Variants in NLRP7 observed in about 807,000 individuals in gnomAD.
NLRP7 encodes the protein NLR family pyrin domain containing 7, also known as NACHT, LRR and PYD domains-containing protein 7.
In NLRP7, 72 loss-of-function variants were observed where a neutral mutation model predicts 85.5. The ratio of observed to expected loss-of-function variants is 0.84; its 90% CI spans 0.70 to 1.02. NLRP7 has a LOEUF of 1.02. Ranked by LOEUF, NLRP7 falls within the 50% of genes least tolerant of loss-of-function variation. The pLI, the probability that NLRP7 is intolerant of heterozygous loss-of-function variation, is 0.00. For synonymous variants in NLRP7, 550 were observed against 505.2 expected (o/e 1.09, Z -1.19); for missense variants, 1,243 against 1,219.5 (o/e 1.02, Z -0.29).
At chr19:54,931,844 TAA>T (rs10647956) in intron 8 of NLRP7, among the ~76,000 whole-genome samples, 2 of 108,320 alleles carry the variant, frequency 1.8e-5, no homozygotes. Context: ...GAGAGACTGT[TAA>T]AAAAAAAAAA....
intron 1 of NLRP7, among the ~76,000 whole-genome samples, chr19:54,944,138 G>A (rs535631534): frequency 5.9e-5 from 9 of 151,928 alleles, no homozygotes; most frequent in Admixed American, 1.3e-4. Context: ...ACCCCAGCCC[G>A]ACACCCGTAA....
upstream of NLRP7, chr19:54,947,805 A>C: frequency 2.4e-6 from 1 of 425,028 alleles, no homozygotes; most frequent in South Asian, 1.9e-5. Flanking sequence ...CAGGAAATAC[A>C]CATTTTGGGT....
At chr19:54,932,124 T>C (rs2068704793) in intron 8 of NLRP7, among the ~76,000 whole-genome samples, 1 of 152,132 alleles carries the variant, frequency 6.6e-6, no homozygotes, top group Admixed American at 6.6e-5. Context: ...AGGTGACTGT[T>C]TGTTTAACAA....
chr19:54,955,128 G>T (rs2069809746), intron 1 of NLRP7, among the ~76,000 whole-genome samples: 1 of 152,146 alleles, frequency 6.6e-6, no homozygotes, highest in Non-Finnish European at 1.5e-5. Flanking sequence ...CGAAGTTTGA[G>T]ACCAGCCTGA....
At chr19:54,962,807 G>A (rs377486988) in intron 1 of NLRP7, among the ~76,000 whole-genome samples, 1 of 150,150 alleles carries the variant, frequency 6.7e-6, no homozygotes, top group African/African-American at 2.4e-5. Flanking sequence ...CACCGTGTTA[G>A]CCAGGATGGT....
intron 3 of NLRP7, 90 bp downstream of exon 3, chr19:54,940,839 AAC>A: frequency 1.1e-6 from 1 of 899,256 alleles, no homozygotes; most frequent in East Asian, 2.4e-5. Context: ...AAAAAAAAAA[AAC>A]TACCAGAAAT....
At chr19:54,940,213 C>G (rs182597034) in exon 4 of NLRP7, 5 of 1,614,174 alleles carry the variant, frequency 3.1e-6, no homozygotes, top group Middle Eastern at 1.6e-4. Flanking sequence ...ATCTGAGCGT[C>G]GGGCTGAGGT....
Position 54,934,739 on chromosome 19 carries a change from T to G in NLRP7, c.2301-80A>C, listed in dbSNP as rs1338807351. 4.2e-6 allele frequency: 5 copies of G among 1,184,130 alleles called. No homozygotes were observed. Among genetic ancestry groups the G allele is most frequent in the Non-Finnish European group, 5.9e-6 (5 of 844,992 alleles). 73.4% of individuals were successfully genotyped at this position (1,184,130 alleles called of 1,614,324 possible). A position where few individuals can be genotyped will look rare whatever the true frequency, so the allele number is the denominator to read the frequency against. On this transcript the variant is annotated intron_variant, in intron 6 of 9. Transcript: ENST00000340844. The surrounding 1 kb of genome is among the most constrained non-coding windows in gnomAD (Gnocchi z 6.7). ...AGCTTTTTTTTTTTGAGACAGAGTT[T>G]CACTCTGTTGCCCAGTCTGGAATGC...
chr19:54,934,544 C>A lies in NLRP7; in HGVS notation c.2416G>T (p.Ala806Ser). ...GTCATGGTCTTGTACAGCAACATGG[C>A]ACCCTCATCCAGGAGCACATTGGCT... Residue 806 changes from alanine (A) to serine (S), a missense_variant, in exon 7 of 10, where the codon GCC becomes TCC. By Grantham distance (99) the Ala-to-Ser change is moderately conservative. This residue lies in a region of NLRP7 where 613 missense variants were observed against 588.4 expected (regional missense o/e 1.04). Coordinates refer to ENST00000340844, the Ensembl canonical transcript of NLRP7. The surrounding 1 kb of genome is among the most constrained non-coding windows in gnomAD (Gnocchi z 6.7). 6.2e-7 allele frequency: 1 copy of A among 1,614,182 alleles called. No homozygotes were observed. Among genetic ancestry groups the A allele is most frequent in the Non-Finnish European group, 8.5e-7 (1 of 1,180,020 alleles).
exon 10 of NLRP7, chr19:54,923,848 C>T (rs200689912): frequency 1.2e-6 from 2 of 1,614,012 alleles, no homozygotes; most frequent in African/African-American, 2.7e-5. Flanking sequence ...TCTTGATTTC[C>T]AAATTAGTTT....
chr19:54,934,833 C>G lies in NLRP7; in HGVS notation c.2301-174G>C, dbSNP rs180736973. On this transcript the variant is annotated intron_variant, in intron 6 of 9. Transcript: ENST00000340844. The surrounding 1 kb of genome is among the most constrained non-coding windows in gnomAD (Gnocchi z 6.7). Reference sequence around the variant, plus strand: ...CAAGCTATTCTCCTGCCTCAGCCTCCGAAGTAGCTGGGATTACAGGCATTC... The same window carrying G: ...CAAGCTATTCTCCTGCCTCAGCCTCGGAAGTAGCTGGGATTACAGGCATTC... 1.3e-5 allele frequency among the ~76,000 whole-genome samples: 2 copies of G among 152,044 alleles called. No homozygotes were observed. The highest frequency in any genetic ancestry group is 2.9e-5 in the Non-Finnish European group (2 of 68,006).
chr19:54,929,123 CT>C (rs2068566601), intron 9 of NLRP7, among the ~76,000 whole-genome samples: 1 of 152,246 alleles, frequency 6.6e-6, no homozygotes, highest in African/African-American at 2.4e-5. Context: ...AATCCCAGCA[CT>C]TTGGGAGGTT....
At chr19:54,931,341 AAGATC>A (rs1464787361) in intron 8 of NLRP7, among the ~76,000 whole-genome samples, 2 of 151,702 alleles carry the variant, frequency 1.3e-5, no homozygotes, top group African/African-American at 4.8e-5. Flanking sequence ...GGTGAATCAC[AAGATC>A]AGGAGTTCAA....
At chr19:54,956,297 T>C (rs1015370809) in intron 1 of NLRP7, among the ~76,000 whole-genome samples, 6 of 152,092 alleles carry the variant, frequency 3.9e-5, no homozygotes, top group African/African-American at 1.4e-4. Context: ...CAGAACTAAA[T>C]CAAAGGAGAG....
chr19:54,950,216 C>T (rs894816063), upstream of NLRP7, among the ~76,000 whole-genome samples: 1 of 152,142 alleles, frequency 6.6e-6, no homozygotes, highest in Non-Finnish European at 1.5e-5. Flanking sequence ...AGCTCCTGCA[C>T]TTCGGACTCC....
chr19:54,942,481 T>C (rs1204863967), intron 1 of NLRP7, among the ~76,000 whole-genome samples: 3 of 151,962 alleles, frequency 2.0e-5, no homozygotes, highest in African/African-American at 7.3e-5. Flanking sequence ...CCCAGCACTT[T>C]GGGAGGCCAA....
upstream of NLRP7, among the ~76,000 whole-genome samples, chr19:54,950,826 C>T (rs141010314): frequency 3.3e-5 from 5 of 152,292 alleles, no homozygotes; most frequent in East Asian, 9.7e-4. Context: ...CAGCACAGAC[C>T]CTTTACTGGT....
At chr19:54,940,015 G>C in exon 4 of NLRP7, 1 of 1,614,180 alleles carries the variant, frequency 6.2e-7, no homozygotes, top group African/African-American at 1.3e-5. Flanking sequence ...CCCCGCAGAT[G>C]TCCTGGATCA....
chr19:54,965,410 T>C (rs1351762301), intron 1 of NLRP7: 1 of 100,286 alleles, frequency 1.0e-5, no homozygotes, highest in Non-Finnish European at 2.1e-5. Context: ...TGCAACTTCA[T>C]TTCTTTATTT....
Sources: gnomAD v4.1 joint callset for allele counts (sites outside exome capture counted in the v4.1 genomes callset) on GRCh38, gnomAD v4.1.1 for gene constraint, gnomAD v4.1.1 regional missense constraint, Gnocchi (gnomAD v3.1) non-coding constraint, MANE v1.5 for transcripts, NCBI Gene and HGNC (gene_info 2026-07-23, HGNC 2026-07-21) for gene names.